Variants in AIM2 observed in about 807,000 individuals in gnomAD.
AIM2 encodes the protein absent in melanoma 2, also known as interferon-inducible protein AIM2.
In AIM2, 30 loss-of-function variants were observed where a neutral mutation model predicts 27.7. That is an observed-to-expected ratio of 1.08 (90% CI 0.81 to 1.47). The LOEUF (loss-of-function observed/expected upper bound fraction) is 1.47, where lower values mean the gene tolerates loss of function less well. AIM2 is among the 40% of genes most tolerant of loss of function. The pLI is 0.00. For synonymous variants in AIM2, 141 were observed against 145.3 expected (o/e 0.97, Z 0.21); for missense variants, 358 against 411.3 (o/e 0.87, Z 1.12).
intron 1 of AIM2, among the ~76,000 whole-genome samples, chr1:159,123,915 TAC>T (rs1479485135): frequency 6.6e-6 from 1 of 152,232 alleles, no homozygotes; most frequent in African/African-American, 2.4e-5. Flanking sequence ...TTCACTCTAT[TAC>T]ACAGCAGGGC....
chr1:159,106,241 A>G (rs1241850082), intron 1 of AIM2, among the ~76,000 whole-genome samples: 1 of 152,148 alleles, frequency 6.6e-6, no homozygotes, highest in African/African-American at 2.4e-5. Context: ...CACTCCACCA[A>G]CTCAGAAGCA....
upstream of AIM2, chr1:159,147,132 T>C (rs535296377): frequency 6.6e-6 from 1 of 152,200 alleles, no homozygotes; most frequent in Non-Finnish European, 1.5e-5. Flanking sequence ...CGTGTGCCAC[T>C]GGCTTTAAAA....
chr1:159,121,367 C>CA (rs1378887137), intron 1 of AIM2, among the ~76,000 whole-genome samples: 2 of 152,164 alleles, frequency 1.3e-5, no homozygotes, highest in African/African-American at 4.8e-5. Context: ...GTTTTAGGTA[C>CA]AAACACTACT....
At chr1:159,110,098 T>A (rs1420544358) in intron 1 of AIM2, among the ~76,000 whole-genome samples, 1 of 152,160 alleles carries the variant, frequency 6.6e-6, no homozygotes, top group East Asian at 1.9e-4. Flanking sequence ...ATTAAAAAGA[T>A]ACTTGCACAC....
chr1:159,104,906 G>A (rs1355270433), intron 1 of AIM2, among the ~76,000 whole-genome samples: 4 of 152,318 alleles, frequency 2.6e-5, no homozygotes, highest in Non-Finnish European at 2.9e-5. Flanking sequence ...CATAGAGTTG[G>A]TGTGAAATAT....
At position 159,074,450 on chromosome 1, in the gene AIM2, A is replaced by AT. The variant is rs199703223; in HGVS notation, c.-20-932dup. ...GTTAAAAAGACTGTCATTTTTAATG[A>AT]TTTTTTTTTTTACCTTTGCAAAAAT... On this transcript the variant is annotated intron_variant, in intron 1 of 5. Transcript: ENST00000368130. Among the ~76,000 whole-genome samples the AT allele has an allele frequency of 3.5e-3, 516 of 148,180 alleles. 3 individuals carry two copies. Among genetic ancestry groups the AT allele is most frequent in the African/African-American group, 0.011 (441 of 40,642 alleles).
chr1:159,133,651 T>C lies in AIM2; in HGVS notation c.-16+6780A>G, dbSNP rs540622390. 7.9e-5 allele frequency among the ~76,000 whole-genome samples: 12 copies of C among 152,340 alleles called. No individual in the cohort carries two copies. The East Asian group carries it at 2.3e-3, about 29-fold the overall frequency. On this transcript the variant is annotated intron_variant, in intron 1 of 2. Coordinates refer to the AIM2 transcript ENST00000368129. ...GATACATTTTAGTTATCATCACTAC[T>C]GACTTCTCAGCAGCATAGGATACTC... is the stretch of plus-strand genomic sequence containing the variant.
At chr1:159,100,536 A>G (rs1297852046) in intron 1 of AIM2, among the ~76,000 whole-genome samples, 1 of 152,218 alleles carries the variant, frequency 6.6e-6, no homozygotes, top group East Asian at 1.9e-4. Context: ...CTATTAAAAA[A>G]GGTGGAGGCA....
At chr1:159,061,556 CTAT>C (rs1406653144), downstream of AIM2, among the ~76,000 whole-genome samples, 2 of 126,580 alleles carry the variant, frequency 1.6e-5, no homozygotes, top group Admixed American at 7.6e-5. Flanking sequence ...CCGTGCCCGG[CTAT>C]TTTTTTTTTT....
chr1:159,097,763 C>T lies in AIM2; in HGVS notation c.-15-31434G>A, dbSNP rs550283917. 1.6e-4 allele frequency among the ~76,000 whole-genome samples: 24 copies of T among 152,244 alleles called. 1 individual carries two copies. The South Asian group carries it at 2.7e-3, about 17-fold the overall frequency. ...AGTTAATGTACATGAAACACTTAGA[C>T]GAATGCTTATTATATGACACAAACT... On this transcript the variant is annotated intron_variant, in intron 1 of 2. Coordinates refer to the AIM2 transcript ENST00000368129.
chr1:159,086,408 A>G (rs756954632), intron 1 of AIM2, among the ~76,000 whole-genome samples: 9 of 152,226 alleles, frequency 5.9e-5, no homozygotes, highest in Non-Finnish European at 1.3e-4. Context: ...CCTGTTGGCC[A>G]GCTCATCAGA....
At chr1:159,068,270 G>A (rs886282473) in intron 3 of AIM2, among the ~76,000 whole-genome samples, 1 of 152,170 alleles carries the variant, frequency 6.6e-6, no homozygotes, top group African/African-American at 2.4e-5. Flanking sequence ...TTCTGAAAGT[G>A]CTCTAAAATA....
chr1:159,077,891 T>C (rs1032814358), upstream of AIM2, among the ~76,000 whole-genome samples: 1 of 152,178 alleles, frequency 6.6e-6, no homozygotes, highest in Non-Finnish European at 1.5e-5. Context: ...AAGACAAAGT[T>C]CCAGATGTTG....
intron 2 of AIM2, among the ~76,000 whole-genome samples, chr1:159,070,093 C>T (rs1030002373): frequency 6.6e-6 from 1 of 152,210 alleles, no homozygotes; most frequent in African/African-American, 2.4e-5. Context: ...CCAACACCAA[C>T]TCTAACTCCT....
chr1:159,101,298 C>T (rs1361401567), intron 1 of AIM2, among the ~76,000 whole-genome samples: 1 of 152,160 alleles, frequency 6.6e-6, no homozygotes, highest in Non-Finnish European at 1.5e-5. Flanking sequence ...CATTCTCTCT[C>T]CTGCTGCACT....
At chr1:159,136,717 A>T (rs557621600) in intron 1 of AIM2, among the ~76,000 whole-genome samples, 33 of 152,370 alleles carry the variant, frequency 2.2e-4, no homozygotes, top group African/African-American at 7.2e-4. Context: ...CACTGCAATC[A>T]TGTTTTCTGG....
chr1:159,117,437 T>C (rs1412705830), intron 1 of AIM2, among the ~76,000 whole-genome samples: 1 of 152,144 alleles, frequency 6.6e-6, no homozygotes, highest in African/African-American at 2.4e-5. Flanking sequence ...ATATCAAGTA[T>C]AACAAATAAA....
intron 1 of AIM2, among the ~76,000 whole-genome samples, chr1:159,103,867 C>A (rs2102020887): frequency 6.6e-6 from 1 of 152,150 alleles, no homozygotes; most frequent in South Asian, 2.1e-4. Context: ...CCCACGCCAG[C>A]CAAAGGAGGA....
chr1:159,114,623 T>A (rs1455152930), intron 1 of AIM2, among the ~76,000 whole-genome samples: 1 of 152,162 alleles, frequency 6.6e-6, no homozygotes, highest in African/African-American at 2.4e-5. Context: ...GGCACAAGAA[T>A]CACTTGAACC....
Sources: allele counts gnomAD v4.1 joint callset (sites outside exome capture counted in the v4.1 genomes callset), GRCh38; gene constraint gnomAD v4.1.1; transcripts MANE v1.5; gene names NCBI Gene and HGNC (gene_info 2026-07-23, HGNC 2026-07-21).